Variants in TSPAN9 observed in about 807,000 individuals in gnomAD.
The protein encoded by TSPAN9 is tetraspanin 9, also known as tetraspanin-9.
In TSPAN9, 16 loss-of-function variants were observed where a neutral mutation model predicts 31.0. The ratio of observed to expected loss-of-function variants is 0.52; its 90% confidence interval spans 0.35 to 0.78. TSPAN9 has a LOEUF of 0.78. Ranked by LOEUF, TSPAN9 falls within the 30% of genes least tolerant of loss-of-function variation. The pLI, the probability that TSPAN9 is intolerant of heterozygous loss-of-function variation, is 0.01. For missense variants in TSPAN9, 272 were observed against 312.5 expected (o/e 0.87, Z 0.98); for synonymous variants, 145 against 121.6 (o/e 1.19, Z -1.27).
chr12:3,105,122 C>T (rs2098313654), intron 2 of TSPAN9, among the ~76,000 whole-genome samples: 1 of 152,236 alleles, frequency 6.6e-6, no homozygotes, highest in Non-Finnish European at 1.5e-5. Flanking sequence ...CGCACAGCAG[C>T]CTCTCTGGGC....
chr12:3,154,441 C>T (rs1367066852), intron 2 of TSPAN9, among the ~76,000 whole-genome samples: 3 of 152,206 alleles, frequency 2.0e-5, no homozygotes, highest in Admixed American at 2.0e-4. Flanking sequence ...ATAGGTCTCG[C>T]TCGCACCCTT....
chr12:3,189,720 G>A (rs1476113674), intron 2 of TSPAN9, among the ~76,000 whole-genome samples: 1 of 152,220 alleles, frequency 6.6e-6, no homozygotes, highest in Non-Finnish European at 1.5e-5. Context: ...CGGGCTGGAT[G>A]CCTTTAGGAG....
At chr12:3,260,399 T>C (rs1591710837) in intron 3 of TSPAN9, among the ~76,000 whole-genome samples, 1 of 152,306 alleles carries the variant, frequency 6.6e-6, no homozygotes, top group East Asian at 1.9e-4. Flanking sequence ...ATGTACTTGG[T>C]ATTTGTAGGG....
intron 2 of TSPAN9, among the ~76,000 whole-genome samples, chr12:3,188,404 G>A (rs890254500): frequency 6.6e-6 from 1 of 152,158 alleles, no homozygotes; most frequent in Non-Finnish European, 1.5e-5. Context: ...GAGCGGCAGG[G>A]GGAATATGCA....
intron 3 of TSPAN9, among the ~76,000 whole-genome samples, chr12:3,231,983 G>A (rs547953208): frequency 9.5e-4 from 145 of 152,346 alleles, no homozygotes; most frequent in African/African-American, 2.9e-3. Context: ...GCAGCAGTAC[G>A]GTTATTTGTG....
intron 3 of TSPAN9, among the ~76,000 whole-genome samples, chr12:3,271,285 G>A (rs1249945776): frequency 6.6e-6 from 1 of 152,200 alleles, no homozygotes; most frequent in African/African-American, 2.4e-5. Flanking sequence ...CCAGCTCAGT[G>A]TGAGACTAAA....
Position 3,107,970 on chromosome 12 carries a change from C to T in TSPAN9, c.-18+24251C>T, listed in dbSNP as rs1447031041. On this transcript the variant is annotated intron_variant, in intron 2 of 8. Transcript: ENST00000011898. This position sits in a 1 kb window ranked among gnomAD's most constrained non-coding sequence, Gnocchi z 4.1. ...ATTCCTAAACCCAGTAAGAAACTCC[C>T]CAAAACCTCCATACCTGATCCTCAC... Among the ~76,000 whole-genome samples, 1 of 152,132 alleles carries T rather than the reference C, an allele frequency of 6.6e-6. No homozygotes were observed. Among genetic ancestry groups the T allele is most frequent in the Non-Finnish European group, 1.5e-5 (1 of 68,028 alleles).
chr12:3,193,989 A>G (rs1012733901), intron 2 of TSPAN9, among the ~76,000 whole-genome samples: 11 of 152,276 alleles, frequency 7.2e-5, no homozygotes, highest in Admixed American at 2.0e-4. Flanking sequence ...ACGCCCTTGG[A>G]TAGCCTGCTT....
At chr12:3,214,987 C>T (rs975939697) in intron 3 of TSPAN9, among the ~76,000 whole-genome samples, 7 of 152,176 alleles carry the variant, frequency 4.6e-5, no homozygotes, top group Non-Finnish European at 8.8e-5. Flanking sequence ...CTACCCAGGG[C>T]AGCCCCTGAC....
chr12:3,115,573 G>T (rs1347624176), intron 2 of TSPAN9, among the ~76,000 whole-genome samples: 1 of 152,170 alleles, frequency 6.6e-6, no homozygotes, highest in Non-Finnish European at 1.5e-5. Flanking sequence ...CCCAGATCGG[G>T]GTGCCAGCAT....
intron 3 of TSPAN9, among the ~76,000 whole-genome samples, chr12:3,226,718 ATGTGTGTGTGTGTG>A (rs60390468): frequency 2.6e-4 from 4 of 15,320 alleles, no homozygotes; most frequent in African/African-American, 5.9e-4. Context: ...ATGTGTATGT[ATGTGTGTGTGTGTG>A]TGTGTGTGTG....
chr12:3,115,974 C>G (rs1192595277), intron 2 of TSPAN9, among the ~76,000 whole-genome samples: 6 of 152,138 alleles, frequency 3.9e-5, no homozygotes, highest in Non-Finnish European at 7.4e-5. Context: ...TTTTAACAAC[C>G]CTTTTTACTG....
intron 2 of TSPAN9, among the ~76,000 whole-genome samples, chr12:3,144,199 C>T (rs2098336138): frequency 6.6e-6 from 1 of 152,140 alleles, no homozygotes; most frequent in South Asian, 2.1e-4. Context: ...CTGCTAGGTT[C>T]AGGTGATTCT....
chr12:3,214,710 TAA>T, intron 3 of TSPAN9, among the ~76,000 whole-genome samples: 1 of 150,738 alleles, frequency 6.6e-6, no homozygotes, highest in Non-Finnish European at 1.5e-5. Flanking sequence ...TCTAAGCAGG[TAA>T]TGAGGGGGCG....
intron 2 of TSPAN9, chr12:3,084,236 TC>T (rs1171871104): frequency 1.3e-5 from 2 of 152,468 alleles, no homozygotes; most frequent in South Asian, 2.1e-4. Context: ...TGTTCATTGT[TC>T]CTAGCACTTG....
chr12:3,278,904 A>C, intron 4 of TSPAN9, 88 bp from the exon 5 acceptor site: 2 of 1,404,100 alleles, frequency 1.4e-6, no homozygotes, highest in Non-Finnish European at 2.0e-6. Flanking sequence ...AGCCCCACCT[A>C]GGCGCCGCCT....
intron 2 of TSPAN9, among the ~76,000 whole-genome samples, chr12:3,188,599 G>C (rs1010924416): frequency 6.6e-6 from 1 of 152,178 alleles, no homozygotes; most frequent in Non-Finnish European, 1.5e-5. Context: ...GTGCCCTGGC[G>C]CCTGGCCTGG....
rs576855640 is a variant in TSPAN9 at position 3,282,209 on chromosome 12, C to T, written c.648+392C>T. 486 of 581,750 alleles carry T rather than the reference C, an allele frequency of 8.4e-4. 5 individuals are homozygous for T. The South Asian group carries it at 9.7e-3, about 12-fold the overall frequency. 36.0% of individuals were successfully genotyped at this position (581,750 alleles called of 1,614,324 possible). Reference sequence around the variant, plus strand: ...CTCTGTGGTGACCGTGAGACCACACCGGGCTTCCTTCTGCCTCCTGCACTC... The same window carrying T: ...CTCTGTGGTGACCGTGAGACCACACTGGGCTTCCTTCTGCCTCCTGCACTC... On this transcript the variant is annotated intron_variant, in intron 8 of 8. Coordinates refer to ENST00000011898, the MANE Select transcript of TSPAN9 (RefSeq NM_006675.5).
In TSPAN9 at chr12:3,239,277, G is replaced by A. The variant is rs551057273; in HGVS notation, c.63+38021G>A. 2.5e-4 allele frequency among the ~76,000 whole-genome samples: 38 copies of A among 152,324 alleles called. 1 individual carries two copies. In the South Asian group the frequency reaches 4.1e-3, roughly 17 times the overall value. Reference sequence around the variant, plus strand: ...GTCACGTTCTTGCTGGGAACGCTGGGCAGGAGCCTGCTTGGCTGGGACTTG... The same window carrying A: ...GTCACGTTCTTGCTGGGAACGCTGGACAGGAGCCTGCTTGGCTGGGACTTG... On this transcript the variant is annotated intron_variant, in intron 3 of 8. Transcript: ENST00000011898.
Sources: gnomAD v4.1 joint callset for allele counts (sites outside exome capture counted in the v4.1 genomes callset) on GRCh38, gnomAD v4.1.1 for gene constraint, Gnocchi (gnomAD v3.1) non-coding constraint, MANE v1.5 for transcripts, NCBI Gene and HGNC (gene_info 2026-07-23, HGNC 2026-07-21) for gene names.